Variants in PCDHB15 observed in about 807,000 individuals in gnomAD.
PCDHB15 encodes the protein protocadherin beta 15.
For missense variants in PCDHB15, 1,032 were observed against 991.7 expected, an observed-to-expected ratio of 1.04 and a Z score of -0.55; for synonymous variants, 492 against 447.9, an observed-to-expected ratio of 1.10 and a Z score of -1.24.
At position 141,245,444 on chromosome 5, in the gene PCDHB15, T is replaced by C. The variant is rs1018446493; in HGVS notation, c.-135T>C. ...AGCCTGTTAGCAGAGCACGGACCAG[T>C]GTCTCCGGAGAATGCTATTCTCCTA... On this transcript the variant is annotated 5_prime_UTR_variant, in exon 1 of 1. Coordinates refer to ENST00000231173, the MANE Select transcript of PCDHB15 (RefSeq NM_018935.4). 7 of 719,230 alleles carry C rather than the reference T, an allele frequency of 9.7e-6. No homozygotes were observed. The highest frequency in any genetic ancestry group is 3.7e-4 in the Middle Eastern group (1 of 2,680). The allele number at this position is 719,230 out of a possible 1,614,324, so 44.6% of individuals were successfully genotyped here.
Position 141,245,749 on chromosome 5 carries a change from G to A in PCDHB15, c.171G>A (p.Gly57=). 6.2e-7 allele frequency: 1 copy of A among 1,614,212 alleles called. No homozygotes were observed. The highest frequency in any genetic ancestry group is 8.5e-7 in the Non-Finnish European group (1 of 1,180,042). ...NLANDLGLGV[G]ELAERGARVV... is the part of the protein sequence containing the mutation. ...CCAATGACCTAGGGCTGGGAGTGGG[G>A]GAGCTAGCCGAGCGGGGAGCCCGGG... Residue 57 remains glycine, a synonymous_variant, in exon 1 of 1, where the codon GGG becomes GGA. Transcript: ENST00000231173.
rs1372476251 is a variant in PCDHB15 at position 141,248,497 on chromosome 5, C to T, written c.*555C>T. On this transcript the variant is annotated 3_prime_UTR_variant, in exon 1 of 1. Transcript: ENST00000231173. ...TAAGCATTAGATTTTCATTCTAAAA[C>T]ACATATGTCATCTCATAAAAATATA... 1 of 152,330 alleles carries T rather than the reference C, an allele frequency of 6.6e-6. No individual in the cohort carries two copies. The highest frequency in any genetic ancestry group is 6.5e-5 in the Admixed American group (1 of 15,280). 9.4% of individuals were successfully genotyped at this position (152,330 alleles called of 1,614,324 possible). A position where few individuals can be genotyped will look rare whatever the true frequency, so the allele number is the denominator to read the frequency against.
Position 141,247,172 on chromosome 5 carries a change from G to T in PCDHB15, c.1594G>T (p.Gly532Cys). 6.2e-7 allele frequency: 1 copy of T among 1,613,384 alleles called. No homozygotes were observed. Among genetic ancestry groups the T allele is most frequent in the Non-Finnish European group, 8.5e-7 (1 of 1,179,826 alleles). The change falls in exon 1 of 1, where the codon GGC becomes TGC. Residue 532 changes from glycine to cysteine, a missense_variant. Gly to Cys is a radical substitution (Grantham distance 159). Transcript: ENST00000231173. Reference protein sequence around the residue: ...EALQAFEFRVGATDRGFPALS... With the variant: ...EALQAFEFRVCATDRGFPALS... ...CCTGCAGGCTTTCGAGTTCCGCGTGGGCGCCACAGACCGCGGCTTCCCGGC... is the reference window on the plus strand; with the variant it reads ...CCTGCAGGCTTTCGAGTTCCGCGTGTGCGCCACAGACCGCGGCTTCCCGGC...
chr5:141,247,069 C>T lies in PCDHB15; in HGVS notation c.1491C>T (p.His497=). The T allele has an allele frequency of 1.9e-6, 3 of 1,613,964 alleles. No individual in the cohort carries two copies. Among genetic ancestry groups the T allele is most frequent in the Non-Finnish European group, 2.5e-6 (3 of 1,180,026 alleles). ...TYSLLPPRDP[H]LPLTSLVSIN... is the part of the protein sequence containing the mutation. ...CGCTGCTGCCGCCCCGGGACCCGCA[C>T]CTGCCCCTCACCTCCCTGGTCTCCA... The change falls in exon 1 of 1, where the codon CAC becomes CAT. Residue 497 remains histidine (H), a synonymous_variant. Transcript: ENST00000231173.
In PCDHB15 at chr5:141,246,921, C is replaced by T. The variant is rs1554292054; in HGVS notation, c.1343C>T (p.Ala448Val). 3 of 1,613,552 alleles carry T rather than the reference C, an allele frequency of 1.9e-6. No homozygotes were observed. Among genetic ancestry groups the T allele is most frequent in the Middle Eastern group, 1.8e-4 (1 of 5,618 alleles). The change falls in exon 1 of 1, where the codon GCC becomes GTC. Residue 448 changes from alanine (A) to valine (V), a missense_variant. By Grantham distance (64) the Ala-to-Val change is moderately conservative. Coordinates refer to ENST00000231173, the MANE Select transcript of PCDHB15 (RefSeq NM_018935.4). The part of the protein sequence containing the change: ...TVLVSDVNDN[A>V]PAFTQTSYTL... ...CTGGTGTCGGACGTCAATGACAACG[C>T]CCCCGCCTTCACCCAAACCTCCTAC... is the stretch of plus-strand genomic sequence containing the variant.
chr5:141,245,659 C>A lies in PCDHB15; in HGVS notation c.81C>A (p.Gly27=). The A allele has an allele frequency of 1.9e-6, 3 of 1,614,198 alleles. No homozygotes were observed. Among genetic ancestry groups the A allele is most frequent in the Non-Finnish European group, 2.5e-6 (3 of 1,180,026 alleles). Residue 27 remains glycine, a synonymous_variant, in exon 1 of 1, where the codon GGC becomes GGA. Transcript: ENST00000231173. The part of the protein sequence containing the change: ...LLLLLEVTLA[G]WEPRRYSVME... ...TTTTACTGGAAGTGACTCTGGCAGG[C>A]TGGGAACCCCGTCGCTATTCTGTGA...
chr5:141,246,901 G>A lies in PCDHB15; in HGVS notation c.1323G>A (p.Val441=). Residue 441 remains valine, a synonymous_variant, in exon 1 of 1, where the codon GTG becomes GTA. Coordinates refer to ENST00000231173, the MANE Select transcript of PCDHB15 (RefSeq NM_018935.4). ...LKTEQSITVL[V]SDVNDNAPAF... is the part of the protein sequence containing the mutation. ...CCGAGCAGAGCATAACCGTGCTGGT[G>A]TCGGACGTCAATGACAACGCCCCCG... 6.2e-7 allele frequency: 1 copy of A among 1,613,858 alleles called. No individual in the cohort carries two copies. Among genetic ancestry groups the A allele is most frequent in the South Asian group, 1.1e-5 (1 of 91,060 alleles).
chr5:141,248,481 G>T lies in PCDHB15; in HGVS notation c.*539G>T, dbSNP rs1053744850. ...TTCAAGGTCACACTTGTAAGCATTA[G>T]ATTTTCATTCTAAAACACATATGTC... On this transcript the variant is annotated 3_prime_UTR_variant, in exon 1 of 1. Transcript: ENST00000231173. 1.3e-5 allele frequency: 2 copies of T among 152,380 alleles called. No homozygotes were observed. The highest frequency in any genetic ancestry group is 2.4e-5 in the African/African-American group (1 of 41,426). 9.4% of individuals were successfully genotyped at this position (152,380 alleles called of 1,614,324 possible).
At position 141,245,895 on chromosome 5, in the gene PCDHB15, TC is replaced by T; in HGVS notation, c.319del (p.Gln107LysfsTer4). ...CGPTEPCIMH[F>X]QVLLKKPLEV... ...CCTACTGAGCCCTGTATAATGCATT[TC>T]CAAGTGTTACTGAAAAAACCTTTGG... is the stretch of plus-strand genomic sequence containing the variant. On this transcript the variant is annotated frameshift_variant, in exon 1 of 1. Transcript: ENST00000231173. LOFTEE classifies it low-confidence loss of function (END_TRUNC). The T allele has an allele frequency of 6.2e-7, 1 of 1,614,138 alleles. No homozygotes were observed. The highest frequency in any genetic ancestry group is 8.5e-7 in the Non-Finnish European group (1 of 1,180,022).
Position 141,247,621 on chromosome 5 carries a change from C to A in PCDHB15, c.2043C>A (p.Ala681=), listed in dbSNP as rs1755311644. 1.2e-6 allele frequency: 2 copies of A among 1,610,382 alleles called. No individual in the cohort carries two copies. Among genetic ancestry groups the A allele is most frequent in the Non-Finnish European group, 1.7e-6 (2 of 1,179,812 alleles). The change falls in exon 1 of 1, where the codon GCC becomes GCA. Residue 681 remains alanine (A), a synonymous_variant. Transcript: ENST00000231173. ...TCCCAGAGGCGGCCCCGGCCCAAGC[C>A]CAGGCCGACTCGCTTACCGTCTACC... The part of the protein sequence containing the change: ...LPLPEAAPAQ[A]QADSLTVYLV...
In PCDHB15 at chr5:141,247,998, C is replaced by A; in HGVS notation, c.*56C>A. ...TTAATTTTGTCTTCCTCACTTTTCACCTTAGTTTTTTTTAACCCTTTAGTA... is the reference window on the plus strand; with the variant it reads ...TTAATTTTGTCTTCCTCACTTTTCAACTTAGTTTTTTTTAACCCTTTAGTA... On this transcript the variant is annotated 3_prime_UTR_variant, in exon 1 of 1. Coordinates refer to ENST00000231173, the MANE Select transcript of PCDHB15 (RefSeq NM_018935.4). The A allele has an allele frequency of 6.7e-7, 1 of 1,498,006 alleles. No homozygotes were observed. The highest frequency in any genetic ancestry group is 8.9e-7 in the Non-Finnish European group (1 of 1,120,568). 92.8% of individuals were successfully genotyped at this position (1,498,006 alleles called of 1,614,324 possible).
Position 141,246,538 on chromosome 5 carries a change from G to A in PCDHB15, c.960G>A (p.Glu320=). Reference sequence around the variant, plus strand: ...TGTCTTCGTATGATCTAGATATAGAGGCATCTGATGGCGGGGGACTTTCTG... The same window carrying A: ...TGTCTTCGTATGATCTAGATATAGAAGCATCTGATGGCGGGGGACTTTCTG... ...ETMSSYDLDI[E]ASDGGGLSGK... Residue 320 remains glutamate, a synonymous_variant, in exon 1 of 1, where the codon GAG becomes GAA. Transcript: ENST00000231173. 1 of 1,614,144 alleles carries A rather than the reference G, an allele frequency of 6.2e-7. No individual in the cohort carries two copies.
At position 141,246,825 on chromosome 5, in the gene PCDHB15, A is replaced by T. The variant is rs1554292030; in HGVS notation, c.1247A>T (p.Glu416Val). The T allele has an allele frequency of 1.9e-6, 3 of 1,614,184 alleles. No individual in the cohort carries two copies. In the Admixed American group the frequency reaches 5.0e-5, roughly 27 times the overall value. ...EGALDRETRA[E>V]YNITITITDL... The stretch of plus-strand genomic sequence containing the variant: ...GCGCTGGACAGAGAGACCAGAGCCG[A>T]GTACAACATCACCATCACCATCACA... Residue 416 changes from glutamate to valine, a missense_variant, in exon 1 of 1, where the codon GAG becomes GTG. Physicochemically the swap from Glu to Val is moderately radical, Grantham distance 121 (BLOSUM62 -2). Coordinates refer to ENST00000231173, the MANE Select transcript of PCDHB15 (RefSeq NM_018935.4).
In PCDHB15 at chr5:141,245,943, T is replaced by G. The variant is rs1006872512; in HGVS notation, c.365T>G (p.Leu122Arg). ...TTGGAAGTATTTCGAGCTGAACTACTAGTGACAGACATAAACGATCATTCT... is the reference window on the plus strand; with the variant it reads ...TTGGAAGTATTTCGAGCTGAACTACGAGTGACAGACATAAACGATCATTCT... ...KPLEVFRAEL[L>R]VTDINDHSPE... The change falls in exon 1 of 1, where the codon CTA becomes CGA. Residue 122 changes from leucine (L) to arginine (R), a missense_variant. By Grantham distance (102) the Leu-to-Arg change is moderately radical (BLOSUM62 -2). Transcript: ENST00000231173. 4 of 1,614,188 alleles carry G rather than the reference T, an allele frequency of 2.5e-6. No individual in the cohort carries two copies. Among genetic ancestry groups the G allele is most frequent in the Non-Finnish European group, 3.4e-6 (4 of 1,180,034 alleles).
In PCDHB15 at chr5:141,246,482, C is replaced by A. The variant is rs782523935; in HGVS notation, c.904C>A (p.Arg302=). The part of the protein sequence containing the change: ...FELSSLSGEI[R]LIKKLDFETM... ...GCTAAGCAGCCTTTCAGGAGAAATTCGACTAATTAAAAAACTAGATTTTGA... is the reference window on the plus strand; with the variant it reads ...GCTAAGCAGCCTTTCAGGAGAAATTAGACTAATTAAAAAACTAGATTTTGA... Residue 302 remains arginine, a synonymous_variant, in exon 1 of 1, where the codon CGA becomes AGA. Transcript: ENST00000231173. The A allele has an allele frequency of 1.2e-6, 2 of 1,614,052 alleles. No homozygotes were observed. The highest frequency in any genetic ancestry group is 1.7e-6 in the Non-Finnish European group (2 of 1,180,014).
Position 141,246,312 on chromosome 5 carries a change from C to A in PCDHB15, c.734C>A (p.Ala245Glu). ...ANDNAPEFVQ[A>E]LYEVQVPENS... ...GACAATGCCCCGGAGTTTGTGCAGG[C>A]GCTCTACGAGGTGCAGGTCCCAGAG... The change falls in exon 1 of 1, where the codon GCG becomes GAG. Residue 245 changes from alanine to glutamate, a missense_variant. Ala to Glu is a moderately radical substitution (Grantham distance 107, BLOSUM62 -1). Coordinates refer to ENST00000231173, the MANE Select transcript of PCDHB15 (RefSeq NM_018935.4). 1 of 1,614,040 alleles carries A rather than the reference C, an allele frequency of 6.2e-7. No individual in the cohort carries two copies. Among genetic ancestry groups the A allele is most frequent in the Non-Finnish European group, 8.5e-7 (1 of 1,179,974 alleles).
chr5:141,245,853 G>A lies in PCDHB15; in HGVS notation c.275G>A (p.Arg92Gln), dbSNP rs1554291804. The change falls in exon 1 of 1, where the codon CGG (arginine) becomes CAG (glutamine). Residue 92 changes from arginine (R) to glutamine (Q), a missense_variant. By Grantham distance (43) the Arg-to-Gln change is conservative. Transcript: ENST00000231173. ...TTGATATTAAATGAGAAGCTGGACC[G>A]GGAGAAGCTGTGTGGCCCTACTGAG... is the stretch of plus-strand genomic sequence containing the variant. ...GQLILNEKLD[R>Q]EKLCGPTEPC... 3.1e-6 allele frequency: 5 copies of A among 1,614,150 alleles called. No individual in the cohort carries two copies. Among genetic ancestry groups the A allele is most frequent in the Admixed American group, 1.7e-5 (1 of 60,026 alleles).
Position 141,245,765 on chromosome 5 carries a change from G to A in PCDHB15, c.187G>A (p.Gly63Arg), listed in dbSNP as rs1755241022. The A allele has an allele frequency of 3.1e-6, 5 of 1,614,192 alleles. No homozygotes were observed. Among genetic ancestry groups the A allele is most frequent in the Middle Eastern group, 1.6e-4 (1 of 6,062 alleles). ...GLGVGELAER[G>R]ARVVSEDNEQ... ...GGGAGTGGGGGAGCTAGCCGAGCGG[G>A]GAGCCCGGGTAGTTTCTGAGGATAA... Residue 63 changes from glycine (G) to arginine (R), a missense_variant, in exon 1 of 1, where the codon GGA becomes AGA. Gly to Arg is a moderately radical substitution (Grantham distance 125). Coordinates refer to ENST00000231173, the MANE Select transcript of PCDHB15 (RefSeq NM_018935.4).
chr5:141,247,447 G>C lies in PCDHB15; in HGVS notation c.1869G>C (p.Glu623Asp). Residue 623 changes from glutamate to aspartate, a missense_variant, in exon 1 of 1, where the codon GAG (glutamate) becomes GAC (aspartate). Coordinates refer to ENST00000231173, the MANE Select transcript of PCDHB15 (RefSeq NM_018935.4). ...TCGGCGTGTGGGCGCACAATGGCGA[G>C]GTGCGCACCGCCAGGCTGCTGAGCG... ...GLFGVWAHNG[E>D]VRTARLLSER... is the part of the protein sequence containing the mutation. 6.2e-7 allele frequency: 1 copy of C among 1,607,308 alleles called. No individual in the cohort carries two copies. The highest frequency in any genetic ancestry group is 8.5e-7 in the Non-Finnish European group (1 of 1,179,636).
Sources: gnomAD v4.1 joint callset for allele counts on GRCh38, gnomAD v4.1.1 for gene constraint, MANE v1.5 for transcripts, NCBI Gene and HGNC (gene_info 2026-07-23, HGNC 2026-07-21) for gene names.